LUC7L3: variants seen among roughly 807,000 people sequenced by gnomAD.
LUC7L3 encodes LUC7 like 3 pre-mRNA splicing factor.
LUC7L3 carries 6 observed loss-of-function variants against 66.8 expected under a neutral mutation model. The observed-to-expected ratio is 0.09, with a 90% CI of 0.05 to 0.18. The LOEUF is 0.18. Ranked by LOEUF, LUC7L3 falls within the 10% of genes least tolerant of loss-of-function variation. The pLI is 1.00. For missense variants in LUC7L3, 341 were observed against 531.1 expected (o/e 0.64, Z 3.52); for synonymous variants, 160 against 174.7 (o/e 0.92, Z 0.66).
Position 50,719,660 on chromosome 17 carries a change from T to C in LUC7L3, c.-73T>C, listed in dbSNP as rs1296530427. 2 of 1,289,440 alleles carry C rather than the reference T, an allele frequency of 1.6e-6. No homozygotes were observed. Among genetic ancestry groups the C allele is most frequent in the Non-Finnish European group, 2.2e-6 (2 of 905,122 alleles). The allele number at this position is 1,289,440 out of a possible 1,614,324, so 79.9% of individuals were successfully genotyped here. On this transcript the variant is annotated 5_prime_UTR_variant, in exon 1 of 10. Transcript: ENST00000505658. ...CGGCCTGAGAGCGGGCCGAGGAGAT[T>C]GGCGACGGTGTCGCCCGTGTTTTCG...
At chr17:50,749,237 T>G in intron 9 of LUC7L3, 1 of 1,289,208 alleles carries the variant, frequency 7.8e-7, no homozygotes. Flanking sequence ...ATAAGATTAT[T>G]GGACTGACTA....
chr17:50,737,969 G>A, intron 2 of LUC7L3: 1 of 315,892 alleles, frequency 3.2e-6, no homozygotes, highest in Non-Finnish European at 6.2e-6. Flanking sequence ...TAGAGCATTA[G>A]GAGCATATTA....
chr17:50,725,538 T>C (rs982137454), intron 1 of LUC7L3, among the ~76,000 whole-genome samples: 1 of 152,206 alleles, frequency 6.6e-6, no homozygotes, highest in Non-Finnish European at 1.5e-5. Flanking sequence ...ATGGGGATTA[T>C]TCCAATTGAA....
chr17:50,750,583 G>A lies in LUC7L3; in HGVS notation c.1221G>A (p.Ser407=). 2 of 1,614,064 alleles carry A rather than the reference G, an allele frequency of 1.2e-6. No homozygotes were observed. Among genetic ancestry groups the A allele is most frequent in the Admixed American group, 1.7e-5 (1 of 60,000 alleles). Residue 407 remains serine, a synonymous_variant, in exon 10 of 10, where the codon TCG becomes TCA. Coordinates refer to ENST00000505658, the MANE Select transcript of LUC7L3 (RefSeq NM_016424.5). ...AGAGTGAAGACACAAACACTGAATC[G>A]AAGGAAAGTGATACTAAGAATGAGG... ...EKQSEDTNTE[S]KESDTKNEVN... is the part of the protein sequence containing the mutation.
At position 50,755,369 on chromosome 17, in the gene LUC7L3, C is replaced by T. The variant is rs537373033; in HGVS notation, c.*4708C>T. 46 of 152,168 alleles carry T rather than the reference C, an allele frequency of 3.0e-4. No individual in the cohort carries two copies. Among genetic ancestry groups the T allele is most frequent in the African/African-American group, 8.2e-4 (34 of 41,508 alleles). The allele number at this position is 152,168 out of a possible 1,614,324, so 9.4% of individuals were successfully genotyped here. A position where few individuals can be genotyped will look rare whatever the true frequency, so the allele number is the denominator to read the frequency against. ...CTTTCAAAATATATGACGGTATACC[C>T]GTATGTTCTGAGTCTTGCTGTTTTT... On this transcript the variant is annotated 3_prime_UTR_variant, in exon 10 of 10. Coordinates refer to ENST00000505658, the MANE Select transcript of LUC7L3 (RefSeq NM_016424.5).
At chr17:50,739,653 CA>C (rs67066059) in intron 2 of LUC7L3, among the ~76,000 whole-genome samples, 94,964 of 151,696 alleles carry the variant, frequency 0.63, 30,362 homozygotes, top group African/African-American at 0.75. Context: ...GACTCTATCT[CA>C]AAAAAAACAA....
At chr17:50,741,423 G>T in intron 4 of LUC7L3, 177 bp downstream of exon 4, 1 of 723,940 alleles carries the variant, frequency 1.4e-6, no homozygotes, top group Non-Finnish European at 2.2e-6. Flanking sequence ...CACTGATTTT[G>T]CTAACCATAA....
At chr17:50,727,133 ACGTGT>A (rs1437664935) in intron 1 of LUC7L3, among the ~76,000 whole-genome samples, 1 of 152,140 alleles carries the variant, frequency 6.6e-6, no homozygotes, top group Non-Finnish European at 1.5e-5. Context: ...TATACAAAAT[ACGTGT>A]TAACCAACTG....
chr17:50,747,232 C>CTTTTTTTTTTTTTTTT (rs757254602), intron 9 of LUC7L3, among the ~76,000 whole-genome samples: 1 of 102,986 alleles, frequency 9.7e-6, no homozygotes, highest in Non-Finnish European at 1.8e-5. Context: ...TTTTCTTTTT[C>CTTTTTTTTTTTTTTTT]TTTTTTTTTT....
intron 3 of LUC7L3, 26 bp downstream of exon 3, chr17:50,740,371 AC>A (rs771525270): frequency 2.3e-5 from 36 of 1,594,790 alleles, no homozygotes; most frequent in Admixed American, 5.3e-5. Flanking sequence ...TGTCATTTCC[AC>A]CCCCCCAGTT....
intron 1 of LUC7L3, among the ~76,000 whole-genome samples, chr17:50,726,177 G>T (rs1193333306): frequency 6.7e-6 from 1 of 149,986 alleles, no homozygotes; most frequent in Non-Finnish European, 1.5e-5. Flanking sequence ...TTTGCTTTTT[G>T]TTGTTGTTGT....
chr17:50,726,560 A>T (rs901881231), intron 1 of LUC7L3, among the ~76,000 whole-genome samples: 1 of 152,172 alleles, frequency 6.6e-6, no homozygotes, highest in African/African-American at 2.4e-5. Flanking sequence ...AGAAGCAGAA[A>T]AGTCATGACA....
chr17:50,742,056 A>G (rs557581514), intron 5 of LUC7L3, among the ~76,000 whole-genome samples: 1 of 152,242 alleles, frequency 6.6e-6, no homozygotes, highest in African/African-American at 2.4e-5. Context: ...AGCTTGGGCA[A>G]CAGAGTGAGA....
chr17:50,730,781 A>C (rs571194613), intron 1 of LUC7L3, among the ~76,000 whole-genome samples: 138 of 151,958 alleles, frequency 9.1e-4, no homozygotes, highest in African/African-American at 3.1e-3. Flanking sequence ...ATCTACTAAA[A>C]ATAGAAAAAT....
At chr17:50,721,065 T>G (rs1027065895) in intron 1 of LUC7L3, among the ~76,000 whole-genome samples, 3 of 152,184 alleles carry the variant, frequency 2.0e-5, no homozygotes, top group African/African-American at 7.2e-5. Context: ...ATCTTTCTTT[T>G]GTAGGCATCT....
At chr17:50,730,151 T>C (rs952793418) in intron 1 of LUC7L3, among the ~76,000 whole-genome samples, 7 of 151,402 alleles carry the variant, frequency 4.6e-5, no homozygotes, top group African/African-American at 1.7e-4. Context: ...TTTTTTGTAT[T>C]GGTGGAGATG....
rs1297638827 is a variant in LUC7L3, at chr17:50,746,623, A to C, written c.1059A>C (p.Ser353=). ...CTCGAAGTCGGGATCGAAGAAGATC[A>C]AAAAGCCGGGATCGAAAGTCATATA... The part of the protein sequence containing the change: ...HRSRSRDRRR[S]KSRDRKSYKH... Residue 353 remains serine (S), a synonymous_variant, in exon 9 of 10, where the codon TCA becomes TCC. Transcript: ENST00000505658. The C allele has an allele frequency of 4.3e-6, 7 of 1,614,162 alleles. No homozygotes were observed. The highest frequency in any genetic ancestry group is 5.1e-6 in the Non-Finnish European group (6 of 1,179,988).
At position 50,741,680 on chromosome 17, in the gene LUC7L3, T is replaced by C. The variant is rs1297808686; in HGVS notation, c.375T>C (p.Asn125=). 1 of 1,613,800 alleles carries C rather than the reference T, an allele frequency of 6.2e-7. No individual in the cohort carries two copies. The highest frequency in any genetic ancestry group is 1.3e-5 in the African/African-American group (1 of 74,922). The change falls in exon 5 of 10, where the codon AAT becomes AAC. Residue 125 remains asparagine, a synonymous_variant. Coordinates refer to ENST00000505658, the MANE Select transcript of LUC7L3 (RefSeq NM_016424.5). ...AGGCCGCTGGCCCAACAGGCAAAAATGAAGAAAAAATTCAGGTTCTAACAG... is the reference window on the plus strand; with the variant it reads ...AGGCCGCTGGCCCAACAGGCAAAAACGAAGAAAAAATTCAGGTTCTAACAG... ...SSGAAGPTGK[N]EEKIQVLTDK... is the part of the protein sequence containing the mutation.
In LUC7L3 at chr17:50,753,816, C is replaced by CTTAAATGAA. The variant is rs1289674337; in HGVS notation, c.*3155_*3156insTTAAATGAA. The CTTAAATGAA allele has an allele frequency of 1.3e-5, 2 of 152,092 alleles. No homozygotes were observed. The highest frequency in any genetic ancestry group is 4.8e-5 in the African/African-American group (2 of 41,398). 9.4% of individuals were successfully genotyped at this position (152,092 alleles called of 1,614,324 possible). ...TCTGCTCTGCCTCATCTAGAATCAA[C>CTTAAATGAA]GTCTAACTAACTTAAATGAAGTATA... On this transcript the variant is annotated 3_prime_UTR_variant, in exon 10 of 10. Coordinates refer to ENST00000505658, the MANE Select transcript of LUC7L3 (RefSeq NM_016424.5).
Sources: allele counts gnomAD v4.1 joint callset (sites outside exome capture counted in the v4.1 genomes callset), GRCh38; gene constraint gnomAD v4.1.1; transcripts MANE v1.5; gene names NCBI Gene and HGNC (gene_info 2026-07-23, HGNC 2026-07-21).